Variants in TNIP1 observed in about 807,000 individuals in gnomAD.
TNIP1 encodes TNFAIP3 interacting protein 1.
A neutral mutation model predicts 86.6 loss-of-function variants in TNIP1; 22 were observed. The observed-to-expected ratio is 0.25, with a 90% CI of 0.18 to 0.36. The LOEUF is 0.36. Among genes scored for constraint, TNIP1 ranks in the 10% least tolerant of loss-of-function variants. The probability of loss-of-function intolerance (pLI) is 1.00; values close to 1 mark genes in which losing one functional copy is unlikely to be tolerated. For synonymous variants in TNIP1, 294 were observed against 313.0 expected (o/e 0.94, Z 0.64); for missense variants, 709 against 820.6 (o/e 0.86, Z 1.66).
intron 1 of TNIP1, among the ~76,000 whole-genome samples, chr5:151,079,067 C>T (rs1472580607): frequency 6.6e-6 from 1 of 152,198 alleles, no homozygotes; most frequent in African/African-American, 2.4e-5. Context: ...ACCCATGGAA[C>T]ACCCAAGGCT....
At chr5:151,082,793 A>G (rs147742668), upstream of TNIP1, among the ~76,000 whole-genome samples, 364 of 152,236 alleles carry the variant, frequency 2.4e-3, no homozygotes, top group Middle Eastern at 0.014. Flanking sequence ...CCTTTTTCTT[A>G]ACAGTTCCAA....
intron 9 of TNIP1, among the ~76,000 whole-genome samples, chr5:151,044,531 A>G (rs1581772948): frequency 6.6e-6 from 1 of 152,108 alleles, no homozygotes; most frequent in East Asian, 1.9e-4. Context: ...AATGAGCATT[A>G]TATCACTTTT....
intron 7 of TNIP1, among the ~76,000 whole-genome samples, chr5:151,050,476 C>T (rs1032687193): frequency 6.6e-6 from 1 of 152,198 alleles, no homozygotes; most frequent in Non-Finnish European, 1.5e-5. Flanking sequence ...CTATTTATCA[C>T]AGGTAATGCT....
intron 2 of TNIP1, 124 bp downstream of exon 2, chr5:151,064,836 G>C: frequency 2.8e-6 from 4 of 1,405,540 alleles, no homozygotes; most frequent in Non-Finnish European, 4.0e-6. Flanking sequence ...CGCTGGGCCA[G>C]GAGGGACAGG....
Position 151,030,461 on chromosome 5 carries a change from T to C in TNIP1, c.*252A>G. The C allele has an allele frequency of 1.7e-6, 1 of 581,510 alleles. No homozygotes were observed. 36.0% of individuals were successfully genotyped at this position (581,510 alleles called of 1,614,324 possible). ...GGGTCAAAGCCGGATGAGGCCTCTC[T>C]CCACTCAGCAGCAGGGAAGGAGTTT... is the stretch of plus-strand genomic sequence containing the variant. On this transcript the variant is annotated 3_prime_UTR_variant, in exon 18 of 18. Transcript: ENST00000521591.
chr5:151,031,223 A>G (rs557028720), intron 17 of TNIP1, among the ~76,000 whole-genome samples: 2 of 152,266 alleles, frequency 1.3e-5, no homozygotes, highest in East Asian at 3.9e-4. Context: ...CAACCCCTCC[A>G]AGGTGTCCGT....
At chr5:151,071,939 C>T (rs1171290322) in intron 1 of TNIP1, among the ~76,000 whole-genome samples, 1 of 152,182 alleles carries the variant, frequency 6.6e-6, no homozygotes, top group Non-Finnish European at 1.5e-5. Flanking sequence ...GTTCGTTAGG[C>T]GCTACCGTAT....
chr5:151,063,869 C>T, intron 2 of TNIP1, 122 bp from the exon 3 acceptor site: 2 of 1,272,344 alleles, frequency 1.6e-6, no homozygotes, highest in Non-Finnish European at 2.2e-6. Flanking sequence ...CTGGACTTCA[C>T]TCCCACCGTT....
chr5:151,060,517 G>A (rs770033299), intron 4 of TNIP1, 122 bp from the exon 5 acceptor site: 120 of 781,126 alleles, frequency 1.5e-4, no homozygotes, highest in East Asian at 2.4e-4. Context: ...CACAGGGACC[G>A]TTACATATCA....
At position 151,045,946 on chromosome 5, in the gene TNIP1, C is replaced by T. The variant is rs766499683; in HGVS notation, c.851G>A (p.Ser284Asn). The T allele has an allele frequency of 1.2e-6, 2 of 1,614,130 alleles. No individual in the cohort carries two copies. Among genetic ancestry groups the T allele is most frequent in the Admixed American group, 1.7e-5 (1 of 60,026 alleles). ...CTCTGGGACCTTACCTGCCGTCACACTAGCCTGGGGAGAAGCACAGAGGAG... is the reference window on the plus strand; with the variant it reads ...CTCTGGGACCTTACCTGCCGTCACATTAGCCTGGGGAGAAGCACAGAGGAG... ...KKAVAGQQQA[S>N]VTAGKVPEVV... Residue 284 changes from serine (S) to asparagine (N), a missense_variant, in exon 9 of 18, where the codon AGT becomes AAT. Physicochemically the swap from Ser to Asn is conservative, Grantham distance 46. Coordinates refer to ENST00000521591, the MANE Select transcript of TNIP1 (RefSeq NM_006058.5).
intron 9 of TNIP1, among the ~76,000 whole-genome samples, chr5:151,045,160 C>T (rs1323928662): frequency 3.9e-5 from 6 of 152,030 alleles, no homozygotes; most frequent in African/African-American, 9.7e-5. Context: ...GGCACGGTCT[C>T]GGATCACTGC....
At chr5:151,044,661 G>A (rs1030783858) in intron 9 of TNIP1, among the ~76,000 whole-genome samples, 1 of 152,222 alleles carries the variant, frequency 6.6e-6, no homozygotes, top group Non-Finnish European at 1.5e-5. Flanking sequence ...TTCTAGAGAA[G>A]CACCTGGGCT....
At position 151,052,220 on chromosome 5, in the gene TNIP1, T is replaced by C; in HGVS notation, c.667A>G (p.Lys223Glu). The C allele has an allele frequency of 6.2e-7, 1 of 1,614,052 alleles. No individual in the cohort carries two copies. Among genetic ancestry groups the C allele is most frequent in the Non-Finnish European group, 8.5e-7 (1 of 1,179,998 alleles). The change falls in exon 7 of 18, where the codon AAG becomes GAG. Residue 223 changes from lysine (K) to glutamate (E), a missense_variant. By Grantham distance (56) the Lys-to-Glu change is moderately conservative (BLOSUM62 1). Transcript: ENST00000521591. ...TCCAGGCCCTTATCCAACTTGGCCT[T>C]CAGAGCCTCGTTCTCCTTCCGAAGC... Reference protein sequence around the residue: ...EQLRKENEALKAKLDKGLEQR... With the variant: ...EQLRKENEALEAKLDKGLEQR...
At chr5:151,053,991 T>C (rs532784592) in intron 6 of TNIP1, among the ~76,000 whole-genome samples, 1 of 152,352 alleles carries the variant, frequency 6.6e-6, no homozygotes, top group African/African-American at 2.4e-5. Context: ...AGCCATCTGC[T>C]GCCTTCCACC....
At chr5:151,034,380 C>T in intron 15 of TNIP1, 3 of 282,346 alleles carry the variant, frequency 1.1e-5, no homozygotes, top group South Asian at 8.5e-5. Context: ...GCACGGAAGG[C>T]TAGAACATGG....
rs760832404 is a variant in TNIP1, at chr5:151,052,138, C to T, written c.722+27G>A. On this transcript the variant is annotated intron_variant, in intron 7 of 17. Transcript: ENST00000521591. ...CTCCTCCTGCAGCCCCCACTCCTCA[C>T]CCCTTCTCTGAGGGGCCTGAACTTA... 6 of 1,608,446 alleles carry T rather than the reference C, an allele frequency of 3.7e-6. No homozygotes were observed. In the East Asian group the frequency reaches 8.9e-5, roughly 24 times the overall value.
At chr5:151,041,527 C>A (rs1758414295) in intron 11 of TNIP1, among the ~76,000 whole-genome samples, 1 of 152,002 alleles carries the variant, frequency 6.6e-6, no homozygotes, top group African/African-American at 2.4e-5. Context: ...ACTGCCACAC[C>A]CAGTGAATTT....
chr5:151,087,399 G>T (rs927485506), upstream of TNIP1, among the ~76,000 whole-genome samples: 4 of 152,282 alleles, frequency 2.6e-5, no homozygotes, highest in East Asian at 1.9e-4. Context: ...AGAGTTGGAA[G>T]CCTGATGCTT....
intron 1 of TNIP1, among the ~76,000 whole-genome samples, chr5:151,067,725 G>A (rs925189031): frequency 2.4e-4 from 36 of 152,224 alleles, no homozygotes; most frequent in African/African-American, 7.2e-4. Context: ...GTAGGGCCTC[G>A]GTAAACCTTG....
Sources: gnomAD v4.1 joint callset for allele counts (sites outside exome capture counted in the v4.1 genomes callset) on GRCh38, gnomAD v4.1.1 for gene constraint, MANE v1.5 for transcripts, NCBI Gene and HGNC (gene_info 2026-07-23, HGNC 2026-07-21) for gene names.